The following DPP10 variants were observed in gnomAD, a reference collection of about 807,000 sequenced individuals.
DPP10 encodes dipeptidyl peptidase like 10, also known as inactive dipeptidyl peptidase 10.
A neutral mutation model predicts 120.9 loss-of-function variants in DPP10; 33 were observed. The observed-to-expected ratio is 0.27, with a 90% CI of 0.21 to 0.37. DPP10 has a LOEUF of 0.37. Ranked by LOEUF, DPP10 falls within the 10% of genes least tolerant of loss-of-function variation. DPP10 has a pLI of 1.00. For synonymous variants in DPP10, 337 were observed against 326.1 expected (o/e 1.03, Z -0.36); for missense variants, 816 against 942.8 (o/e 0.87, Z 1.76).
chr2:114,548,389 C>T lies in DPP10; in HGVS notation c.60+105551C>T, dbSNP rs554019909. 1.5e-4 allele frequency among the ~76,000 whole-genome samples: 23 copies of T among 152,210 alleles called. No homozygotes were observed. The East Asian group carries it at 4.1e-3, about 27-fold the overall frequency. On this transcript the variant is annotated intron_variant, in intron 1 of 25. Coordinates refer to ENST00000410059, the MANE Select transcript of DPP10 (RefSeq NM_020868.6). ...TAGTAACACAGAGATGGGGGTGTTG[C>T]GACATCTGGGTTCTCATTCTGGCTC... is the stretch of plus-strand genomic sequence containing the variant.
chr2:115,774,109 A>G (rs928073870), intron 13 of DPP10, among the ~76,000 whole-genome samples: 2 of 151,978 alleles, frequency 1.3e-5, no homozygotes, highest in African/African-American at 4.8e-5. Context: ...AGTAAATCAT[A>G]TATAATATTT....
At chr2:114,655,508 T>C (rs183939326) in intron 1 of DPP10, among the ~76,000 whole-genome samples, 1 of 152,208 alleles carries the variant, frequency 6.6e-6, no homozygotes, top group South Asian at 2.1e-4. Flanking sequence ...TAATCCTTCC[T>C]TGACTAGTGC....
intron 1 of DPP10, among the ~76,000 whole-genome samples, chr2:115,148,987 T>C (rs1304317902): frequency 6.6e-6 from 1 of 152,162 alleles, no homozygotes; most frequent in African/African-American, 2.4e-5. Context: ...CAATGTGTCA[T>C]CTCCCTTGTT....
chr2:114,856,284 G>C (rs761826567), intron 1 of DPP10, among the ~76,000 whole-genome samples: 1 of 152,042 alleles, frequency 6.6e-6, no homozygotes, highest in East Asian at 1.9e-4. Flanking sequence ...CAAAGACATA[G>C]GAATTCTCAT....
At chr2:114,444,631 G>A (rs1677839266) in intron 1 of DPP10, among the ~76,000 whole-genome samples, 1 of 152,146 alleles carries the variant, frequency 6.6e-6, no homozygotes, top group Non-Finnish European at 1.5e-5. Flanking sequence ...TGATCTTGCA[G>A]ATGCTGTTTT....
chr2:114,896,575 A>C (rs1255357805), intron 1 of DPP10, among the ~76,000 whole-genome samples: 1 of 152,106 alleles, frequency 6.6e-6, no homozygotes, highest in Admixed American at 6.6e-5. Context: ...TGATTTTTGT[A>C]CATTGATTTT....
At chr2:114,926,393 G>A (rs1220645133) in intron 1 of DPP10, among the ~76,000 whole-genome samples, 4 of 152,158 alleles carry the variant, frequency 2.6e-5, no homozygotes, top group Non-Finnish European at 5.9e-5. Flanking sequence ...ATCATTTGGG[G>A]GCTAGAGTGC....
intron 1 of DPP10, among the ~76,000 whole-genome samples, chr2:114,983,548 A>G (rs561088569): frequency 4.4e-4 from 67 of 152,306 alleles, no homozygotes; most frequent in African/African-American, 1.6e-3. Flanking sequence ...TTAAGCTATT[A>G]TAATATAAAT....
chr2:115,386,675 A>G (rs554653156), intron 3 of DPP10, among the ~76,000 whole-genome samples: 2 of 152,268 alleles, frequency 1.3e-5, no homozygotes, highest in East Asian at 3.9e-4. Flanking sequence ...TTCCTGGTAG[A>G]GAGAGGAGGG....
At chr2:114,802,727 C>T (rs926183669) in intron 1 of DPP10, among the ~76,000 whole-genome samples, 1 of 152,114 alleles carries the variant, frequency 6.6e-6, no homozygotes, top group Admixed American at 6.6e-5. Flanking sequence ...TCTTAGTTTT[C>T]CTTGTACATT....
At chr2:115,193,141 T>C (rs1468752373) in intron 1 of DPP10, among the ~76,000 whole-genome samples, 3 of 152,190 alleles carry the variant, frequency 2.0e-5, no homozygotes, top group Non-Finnish European at 4.4e-5. Flanking sequence ...TTATACAACA[T>C]TTCTTGCATA....
chr2:114,528,740 T>A (rs10048644), intron 1 of DPP10, among the ~76,000 whole-genome samples: 28,385 of 151,432 alleles, frequency 0.19, 2,825 homozygotes, highest in South Asian at 0.3. Context: ...CACTGTCCCT[T>A]TCCTTTTTCT....
chr2:114,732,010 A>G (rs1180828439), intron 1 of DPP10, among the ~76,000 whole-genome samples: 3 of 152,328 alleles, frequency 2.0e-5, no homozygotes. Flanking sequence ...GGAAGATATC[A>G]CGTCTGGATG....
chr2:115,286,515 T>A (rs1361150831), intron 1 of DPP10, among the ~76,000 whole-genome samples: 2 of 42,228 alleles, frequency 4.7e-5, no homozygotes, highest in African/African-American at 1.4e-4. Context: ...ACATATATAA[T>A]ATATATATAT....
intron 1 of DPP10, among the ~76,000 whole-genome samples, chr2:115,308,507 A>G (rs901518013): frequency 2.0e-4 from 30 of 152,082 alleles, no homozygotes; most frequent in Non-Finnish European, 4.3e-4. Context: ...ACACATATCT[A>G]GTCAACACAG....
At chr2:115,810,179 A>G (rs1224683888) in intron 19 of DPP10, among the ~76,000 whole-genome samples, 1 of 151,688 alleles carries the variant, frequency 6.6e-6, no homozygotes, top group Admixed American at 6.6e-5. Flanking sequence ...AAAAAAAAGT[A>G]CTGCCCTGAT....
chr2:115,663,191 CA>C (rs1272683722), intron 5 of DPP10, among the ~76,000 whole-genome samples: 4 of 152,008 alleles, frequency 2.6e-5, no homozygotes, highest in Admixed American at 2.0e-4. Flanking sequence ...GAAAAAAATG[CA>C]ATGTTTTAAA....
At chr2:114,859,177 GA>G (rs1480065450) in intron 1 of DPP10, among the ~76,000 whole-genome samples, 1 of 150,060 alleles carries the variant, frequency 6.7e-6, no homozygotes, top group Non-Finnish European at 1.5e-5. Context: ...AAAAAAAAAA[GA>G]AAAAAAGAAC....
At chr2:114,998,535 C>T (rs1701241625) in intron 1 of DPP10, among the ~76,000 whole-genome samples, 1 of 152,108 alleles carries the variant, frequency 6.6e-6, no homozygotes, top group Admixed American at 6.5e-5. Context: ...TCTGGAATGA[C>T]CTGAGAGAGA....
Sources: gnomAD v4.1 joint callset for allele counts (sites outside exome capture counted in the v4.1 genomes callset) on GRCh38, gnomAD v4.1.1 for gene constraint, MANE v1.5 for transcripts, NCBI Gene and HGNC (gene_info 2026-07-23, HGNC 2026-07-21) for gene names.